The following ZNF513 variants were observed in gnomAD, a reference collection of about 807,000 sequenced individuals.
The protein encoded by ZNF513 is zinc finger protein 513.
Under a neutral mutation model 39.7 loss-of-function variants are expected in ZNF513, and 16 were observed. The observed-to-expected ratio is 0.40, with a 90% confidence interval of 0.27 to 0.61. The LOEUF (loss-of-function observed/expected upper bound fraction) is 0.61. Ranked by LOEUF, ZNF513 falls within the 20% of genes least tolerant of loss-of-function variation. ZNF513 has a pLI of 0.39. For synonymous variants in ZNF513, 348 were observed against 296.5 expected, an observed-to-expected ratio of 1.17 and a Z score of -1.79; for missense variants, 699 against 743.6, an observed-to-expected ratio of 0.94 and a Z score of 0.70.
At position 27,377,665 on chromosome 2, in the gene ZNF513, A is replaced by G. The variant is rs1683395612; in HGVS notation, c.1506T>C (p.Pro502=). The part of the protein sequence containing the change: ...KVHGHGGAGG[P]GLSASEGWAP... ...CCCAGCCCTCAGAGGCAGAGAGACC[A>G]GGCCCTCCTGCCCCACCGTGGCCAT... Residue 502 remains proline (P), a synonymous_variant, in exon 4 of 4, where the codon CCT becomes CCC. Coordinates refer to ENST00000323703, the MANE Select transcript of ZNF513 (RefSeq NM_144631.6). The surrounding 1 kb of genome is among the most constrained non-coding windows in gnomAD (Gnocchi z 4.4). 6.2e-7 allele frequency: 1 copy of G among 1,614,142 alleles called. No individual in the cohort carries two copies. Among genetic ancestry groups the G allele is most frequent in the African/African-American group, 1.3e-5 (1 of 75,062 alleles).
rs1683583471 is a variant in ZNF513, at chr2:27,380,716, T to G, written c.-190A>C. ...GGCCGCTCCCGCCGCCGCCGCCGCT[T>G]CCATTCATGGAGCCCCCTACCCCCC... On this transcript the variant is annotated 5_prime_UTR_variant, in exon 1 of 4. Transcript: ENST00000323703. The G allele has an allele frequency of 9.8e-7, 1 of 1,025,022 alleles. No individual in the cohort carries two copies. Among genetic ancestry groups the G allele is most frequent in the Admixed American group, 4.3e-5 (1 of 23,318 alleles). The allele number at this position is 1,025,022 out of a possible 1,614,324, so 63.5% of individuals were successfully genotyped here.
At chr2:27,379,988 G>T in intron 2 of ZNF513, 105 bp downstream of exon 2, 1 of 1,460,580 alleles carries the variant, frequency 6.8e-7, no homozygotes, top group Non-Finnish European at 9.6e-7. Context: ...AACTAAACCA[G>T]CCCTCGGTTG....
chr2:27,378,820 A>G lies in ZNF513; in HGVS notation c.446T>C (p.Leu149Pro), dbSNP rs764784188. 12 of 1,612,682 alleles carry G rather than the reference A, an allele frequency of 7.4e-6. No individual in the cohort carries two copies. Among genetic ancestry groups the G allele is most frequent in the East Asian group, 2.2e-5 (1 of 44,826 alleles). Reference protein sequence around the residue: ...GGGPLLPPRLLYSCRLCTFVS... With the variant: ...GGGPLLPPRLPYSCRLCTFVS... ...GAAGGTGCAGAGGCGGCATGAGTAC[A>G]GTAGCCGTGGGGGCAGCAGGGGCCC... The change falls in exon 3 of 4, where the codon CTG (leucine) becomes CCG (proline). Residue 149 changes from leucine to proline, a missense_variant. By Grantham distance (98) the Leu-to-Pro change is moderately conservative. This residue lies in a region of ZNF513 where 530 missense variants were observed against 499.3 expected (regional missense o/e 1.06). Transcript: ENST00000323703. This position sits in a 1 kb window ranked among gnomAD's most constrained non-coding sequence, Gnocchi z 8.0.
In ZNF513 at chr2:27,378,032, T is replaced by C. The variant is rs1267886011; in HGVS notation, c.1139A>G (p.Lys380Arg). The change falls in exon 4 of 4, where the codon AAG (lysine) becomes AGG (arginine). Residue 380 changes from lysine to arginine, a missense_variant. Transcript: ENST00000323703. The surrounding 1 kb of genome is among the most constrained non-coding windows in gnomAD (Gnocchi z 8.0). Reference protein sequence around the residue: ...HYPNHLARHMKTHSGEKPFRC... With the variant: ...HYPNHLARHMRTHSGEKPFRC... ...GAAGGGCTTCTCACCACTGTGTGTC[T>C]TCATGTGCCGGGCCAGGTGGTTGGG... 6 of 1,611,178 alleles carry C rather than the reference T, an allele frequency of 3.7e-6. No individual in the cohort carries two copies. The highest frequency in any genetic ancestry group is 5.1e-6 in the Non-Finnish European group (6 of 1,177,914).
At chr2:27,380,359 T>C (rs1683563142) in intron 1 of ZNF513, 111 bp from the exon 2 acceptor site, 5 of 1,600,362 alleles carry the variant, frequency 3.1e-6, no homozygotes. Context: ...GGTGGGAAGC[T>C]AGGAGTCTGG....
intron 2 of ZNF513, among the ~76,000 whole-genome samples, chr2:27,379,257 A>C (rs2148414190): frequency 6.6e-6 from 1 of 152,290 alleles, no homozygotes; most frequent in South Asian, 2.1e-4. Flanking sequence ...ACACTGGACT[A>C]ATCTAGTGAT....
At position 27,380,264 on chromosome 2, in the gene ZNF513, G is replaced by A. The variant is rs765830529; in HGVS notation, c.56-16C>T. The A allele has an allele frequency of 1.2e-6, 2 of 1,613,574 alleles. No individual in the cohort carries two copies. Among genetic ancestry groups the A allele is most frequent in the South Asian group, 2.2e-5 (2 of 91,052 alleles). On this transcript the variant is annotated splice_polypyrimidine_tract_variant and intron_variant, in intron 1 of 3. Transcript: ENST00000323703. ...TCAGTATCCACTGAAGAGGGGAGGG[G>A]GCTTGTGGATTCTCCCTCAGGAACC...
rs750991908 is a variant in ZNF513 at position 27,380,140 on chromosome 2, CCTTCCTCCTCTTCCT to C, written c.149_163del (p.Glu50_Glu54del). 3.7e-6 allele frequency: 6 copies of C among 1,614,000 alleles called. No individual in the cohort carries two copies. Among genetic ancestry groups the C allele is most frequent in the African/African-American group, 1.3e-5 (1 of 74,918 alleles). On this transcript the variant is annotated inframe_deletion, in exon 2 of 4. Coordinates refer to ENST00000323703, the MANE Select transcript of ZNF513 (RefSeq NM_144631.6). Reference sequence around the variant, plus strand: ...CATGAGCTGGTCACTGTTGCCGTCGCCTTCCTCCTCTTCCTCTTCCTCCTCAAACTCCAGATCCTG... The same window carrying C: ...CATGAGCTGGTCACTGTTGCCGTCGCCTTCCTCCTCAAACTCCAGATCCTG...
chr2:27,377,854 A>T lies in ZNF513; in HGVS notation c.1317T>A (p.Ser439=). Residue 439 remains serine (S), a synonymous_variant, in exon 4 of 4, where the codon TCT becomes TCA. Transcript: ENST00000323703. The surrounding 1 kb of genome is among the most constrained non-coding windows in gnomAD (Gnocchi z 4.4). ...ANLKRHGRIH[S]GDKPFRCSLC... ...GGCTACACCGAAAAGGTTTGTCACCAGAGTGGATGCGACCATGACGCTTGA... is the reference window on the plus strand; with the variant it reads ...GGCTACACCGAAAAGGTTTGTCACCTGAGTGGATGCGACCATGACGCTTGA... The T allele has an allele frequency of 6.2e-7, 1 of 1,614,162 alleles. No homozygotes were observed. Among genetic ancestry groups the T allele is most frequent in the Non-Finnish European group, 8.5e-7 (1 of 1,180,028 alleles).
At position 27,378,950 on chromosome 2, in the gene ZNF513, T is replaced by C; in HGVS notation, c.316A>G (p.Arg106Gly). 1 of 1,611,710 alleles carries C rather than the reference T, an allele frequency of 6.2e-7. No individual in the cohort carries two copies. Among genetic ancestry groups the C allele is most frequent in the East Asian group, 2.2e-5 (1 of 44,816 alleles). ...TCACCCCTGGCCTCCCCTGGACCCCTGGCTGGCTCCTCAACTTCACTCTCC... is the reference window on the plus strand; with the variant it reads ...TCACCCCTGGCCTCCCCTGGACCCCCGGCTGGCTCCTCAACTTCACTCTCC... ...SAESEVEEPA[R>G]GPGEARGERP... The change falls in exon 3 of 4, where the codon AGG becomes GGG. Residue 106 changes from arginine (R) to glycine (G), a missense_variant. By Grantham distance (125) the Arg-to-Gly change is moderately radical. Coordinates refer to ENST00000323703, the MANE Select transcript of ZNF513 (RefSeq NM_144631.6). The surrounding 1 kb of genome is among the most constrained non-coding windows in gnomAD (Gnocchi z 8.0).
At chr2:27,380,431 CCA>C in intron 1 of ZNF513, 39 bp downstream of exon 1, 1 of 1,577,848 alleles carries the variant, frequency 6.3e-7, no homozygotes, top group Non-Finnish European at 8.6e-7. Context: ...TCCACTGACC[CCA>C]CCCCCGCTCC....
chr2:27,379,312 A>G (rs528154910), intron 2 of ZNF513, among the ~76,000 whole-genome samples: 7 of 152,230 alleles, frequency 4.6e-5, no homozygotes, highest in Admixed American at 6.5e-5. Context: ...GTCAAGGATC[A>G]AGGGCTCACA....
At position 27,377,437 on chromosome 2, in the gene ZNF513, C is replaced by T. The variant is rs777565021; in HGVS notation, c.*108G>A. The T allele has an allele frequency of 3.1e-6, 4 of 1,275,428 alleles. No individual in the cohort carries two copies. The African/African-American group carries it at 5.8e-5, about 19-fold the overall frequency. The allele number at this position is 1,275,428 out of a possible 1,614,324, so 79.0% of individuals were successfully genotyped here. A position where few individuals can be genotyped will look rare whatever the true frequency, so the allele number is the denominator to read the frequency against. On this transcript the variant is annotated 3_prime_UTR_variant, in exon 4 of 4. Transcript: ENST00000323703. The surrounding 1 kb of genome is among the most constrained non-coding windows in gnomAD (Gnocchi z 4.4). Reference sequence around the variant, plus strand: ...GGGCCCCCCCGCCCATGGGGTTGGGCTGGTCCTTATAGTGCCTACGTTAGT... The same window carrying T: ...GGGCCCCCCCGCCCATGGGGTTGGGTTGGTCCTTATAGTGCCTACGTTAGT...
chr2:27,379,112 C>CT, intron 2 of ZNF513, 58 bp from the exon 3 acceptor site: 6 of 1,547,198 alleles, frequency 3.9e-6, no homozygotes, highest in Non-Finnish European at 5.3e-6. Flanking sequence ...GCTCCAAACT[C>CT]TCCCCTTTTC....
chr2:27,379,456 TATAAA>T (rs1263354108), intron 2 of ZNF513, among the ~76,000 whole-genome samples: 2 of 152,210 alleles, frequency 1.3e-5, no homozygotes, highest in African/African-American at 2.4e-5. Context: ...AAGGAGCTGA[TATAAA>T]ATAAAACCTA....
At chr2:27,380,373 G>A in intron 1 of ZNF513, 99 bp downstream of exon 1, 2 of 1,589,690 alleles carry the variant, frequency 1.3e-6, no homozygotes, top group South Asian at 2.2e-5. Flanking sequence ...AGTCTGGATC[G>A]CCCACTTCAT....
chr2:27,377,291 A>T lies in ZNF513; in HGVS notation c.*254T>A, dbSNP rs916987949. ...GAAATAAGTTAAATAAACAGGTGGG[A>T]GGCTGGGCAGTCCCCCAGCCGGTTT... On this transcript the variant is annotated 3_prime_UTR_variant, in exon 4 of 4. Coordinates refer to ENST00000323703, the MANE Select transcript of ZNF513 (RefSeq NM_144631.6). This position sits in a 1 kb window ranked among gnomAD's most constrained non-coding sequence, Gnocchi z 4.4. The T allele has an allele frequency of 1.6e-5, 10 of 637,648 alleles. No homozygotes were observed. The highest frequency in any genetic ancestry group is 1.2e-4 in the South Asian group (7 of 58,424). 39.5% of individuals were successfully genotyped at this position (637,648 alleles called of 1,614,324 possible). A position where few individuals can be genotyped will look rare whatever the true frequency, so the allele number is the denominator to read the frequency against.
At position 27,380,251 on chromosome 2, in the gene ZNF513, G is replaced by T; in HGVS notation, c.56-3C>A. The stretch of plus-strand genomic sequence containing the variant: ...GTCGAGGGAGTCTTCAGTATCCACT[G>T]AAGAGGGGAGGGGGCTTGTGGATTC... On this transcript the variant is annotated splice_polypyrimidine_tract_variant and splice_region_variant and intron_variant, in intron 1 of 3. Transcript: ENST00000323703. 1 of 1,613,864 alleles carries T rather than the reference G, an allele frequency of 6.2e-7. No individual in the cohort carries two copies.
Position 27,377,705 on chromosome 2 carries a change from C to T in ZNF513, c.1466G>A (p.Arg489His). The change falls in exon 4 of 4, where the codon CGC becomes CAC. Residue 489 changes from arginine to histidine, a missense_variant. Physicochemically the swap from Arg to His is conservative, Grantham distance 29. This residue lies in a region of ZNF513 where 98 missense variants were observed against 180.2 expected (regional missense o/e 0.54). Transcript: ENST00000323703. This position sits in a 1 kb window ranked among gnomAD's most constrained non-coding sequence, Gnocchi z 4.4. ...YTTGHWDNYK[R>H]HQKVHGHGGA... Reference sequence around the variant, plus strand: ...ACCGTGGCCATGCACCTTCTGGTGGCGCTTGTAGTTGTCCCAGTGGCCCGT... The same window carrying T: ...ACCGTGGCCATGCACCTTCTGGTGGTGCTTGTAGTTGTCCCAGTGGCCCGT... 6.2e-7 allele frequency: 1 copy of T among 1,614,214 alleles called. No individual in the cohort carries two copies.
Sources: gnomAD v4.1 joint callset for allele counts (sites outside exome capture counted in the v4.1 genomes callset) on GRCh38, gnomAD v4.1.1 for gene constraint, gnomAD v4.1.1 regional missense constraint, Gnocchi (gnomAD v3.1) non-coding constraint, MANE v1.5 for transcripts, NCBI Gene and HGNC (gene_info 2026-07-23, HGNC 2026-07-21) for gene names.